IL17RC: variants seen among roughly 807,000 people sequenced by gnomAD.
The protein encoded by IL17RC is interleukin-17 receptor C.
A neutral mutation model predicts 86.7 loss-of-function variants in IL17RC; 53 were observed. The ratio of observed to expected loss-of-function variants is 0.61; its 90% CI spans 0.49 to 0.77. IL17RC has a LOEUF of 0.77. IL17RC is among the 30% of genes least tolerant of loss of function. The pLI is 0.00. For missense variants in IL17RC, 957 were observed against 940.0 expected, an observed-to-expected ratio of 1.02 and a Z score of -0.24; for synonymous variants, 439 against 413.1, an observed-to-expected ratio of 1.06 and a Z score of -0.76.
At position 9,928,231 on chromosome 3, in the gene IL17RC, C is replaced by A. The variant is rs200861273; in HGVS notation, c.877+11C>A. 14 of 1,590,662 alleles carry A rather than the reference C, an allele frequency of 8.8e-6. No individual in the cohort carries two copies. The highest frequency in any genetic ancestry group is 1.6e-4 in the Middle Eastern group (1 of 6,064). On this transcript the variant is annotated intron_variant, in intron 10 of 18. Transcript: ENST00000403601. Reference sequence around the variant, plus strand: ...GCCCCTTCAGGGAGGGTGAGCCGACCGGCCTGGGGCTGGGGTTGGGGTGTT... The same window carrying A: ...GCCCCTTCAGGGAGGGTGAGCCGACAGGCCTGGGGCTGGGGTTGGGGTGTT...
At chr3:9,928,244 G>A (rs1559311364) in intron 10 of IL17RC, 24 bp downstream of exon 10, 1 of 1,574,718 alleles carries the variant, frequency 6.4e-7, no homozygotes, top group Non-Finnish European at 8.5e-7. Context: ...CCTGGGGCTG[G>A]GGTTGGGGTG....
intron 9 of IL17RC, among the ~76,000 whole-genome samples, chr3:9,925,161 G>A (rs2083941584): frequency 6.7e-6 from 1 of 149,344 alleles, no homozygotes; most frequent in Admixed American, 6.7e-5. Flanking sequence ...TGTCGCCCAG[G>A]CTGGAGCACC....
chr3:9,933,187 T>C lies in IL17RC; in HGVS notation c.1757T>C (p.Val586Ala), dbSNP rs1463324162. ...GTCTTGCTCTTCTCTCCCGGTGCGG[T>C]GGCGCTGTGCAGCGAGTGGCTACAG... The part of the protein sequence containing the change: ...VVVLLFSPGA[V>A]ALCSEWLQDG... The change falls in exon 19 of 19, where the codon GTG (valine) becomes GCG (alanine). Residue 586 changes from valine (V) to alanine (A), a missense_variant. Val to Ala is a moderately conservative substitution (Grantham distance 64). Coordinates refer to ENST00000403601, the MANE Select transcript of IL17RC (RefSeq NM_153460.4). 2 of 1,608,006 alleles carry C rather than the reference T, an allele frequency of 1.2e-6. No homozygotes were observed. Among genetic ancestry groups the C allele is most frequent in the East Asian group, 2.2e-5 (1 of 44,772 alleles).
chr3:9,923,863 C>G lies in IL17RC; in HGVS notation c.623-18C>G. ...GGTGAGGAAGTCTAAGCTGCGCTCTCTTTGCCTCTCCCACCAGCCCTGCCC... is the reference window on the plus strand; with the variant it reads ...GGTGAGGAAGTCTAAGCTGCGCTCTGTTTGCCTCTCCCACCAGCCCTGCCC... On this transcript the variant is annotated intron_variant, in intron 7 of 18. Coordinates refer to ENST00000403601, the MANE Select transcript of IL17RC (RefSeq NM_153460.4). 6.2e-7 allele frequency: 1 copy of G among 1,613,538 alleles called. No homozygotes were observed. Among genetic ancestry groups the G allele is most frequent in the Non-Finnish European group, 8.5e-7 (1 of 1,179,856 alleles).
rs987837554 is a variant in IL17RC, at chr3:9,928,307, C to A, written c.880C>A (p.Pro294Thr). The change falls in exon 11 of 19, where the codon CCC (proline) becomes ACC (threonine). Residue 294 changes from proline (P) to threonine (T), a missense_variant and splice_region_variant. Physicochemically the swap from Pro to Thr is conservative, Grantham distance 38 (BLOSUM62 -1). Coordinates refer to ENST00000403601, the MANE Select transcript of IL17RC (RefSeq NM_153460.4). ...GTGACTGTGCCCTTTCCTTGCAGAC[C>A]CCCGCGCACACCAGAACCTCTGGCA... ...RTNICPFRED[P>T]RAHQNLWQAA... 6.2e-7 allele frequency: 1 copy of A among 1,607,666 alleles called. No individual in the cohort carries two copies. The highest frequency in any genetic ancestry group is 8.5e-7 in the Non-Finnish European group (1 of 1,175,570).
chr3:9,920,448 C>A, intron 5 of IL17RC, 43 bp from the exon 6 acceptor site: 1 of 1,282,308 alleles, frequency 7.8e-7, no homozygotes, highest in Non-Finnish European at 1.1e-6. Flanking sequence ...GGCCTGGATT[C>A]TGAGCCCTGC....
intron 9 of IL17RC, 137 bp from the exon 10 acceptor site, chr3:9,928,029 C>T: frequency 3.9e-6 from 3 of 777,952 alleles, no homozygotes; most frequent in Non-Finnish European, 4.4e-6. Context: ...GTGAGCACCT[C>T]CAGGTTTTGT....
At chr3:9,932,895 C>T (rs778786376) in intron 18 of IL17RC, 37 bp downstream of exon 18, 12 of 1,593,652 alleles carry the variant, frequency 7.5e-6, no homozygotes, top group Non-Finnish European at 9.4e-6. Flanking sequence ...GGGCCGCCCC[C>T]GGGGAGCCAG....
intron 16 of IL17RC, among the ~76,000 whole-genome samples, chr3:9,932,294 T>C (rs2084797293): frequency 6.6e-6 from 1 of 152,208 alleles, no homozygotes; most frequent in African/African-American, 2.4e-5. Flanking sequence ...TGGCGCGATC[T>C]CGGCTCACTG....
intron 16 of IL17RC, among the ~76,000 whole-genome samples, chr3:9,931,462 CACACACACATATATATATATATATAT>C (rs764472858): frequency 3.1e-5 from 4 of 130,450 alleles, no homozygotes; most frequent in African/African-American, 1.5e-4. Context: ...TTCACACACA[CACACACACATATATATATATATATAT>C]ATATATATAT....
At chr3:9,929,175 G>A (rs149915307) in intron 12 of IL17RC, 1,590 of 155,036 alleles carry the variant, frequency 0.01, 27 homozygotes, top group South Asian at 0.073. Flanking sequence ...TTAGCCGGTC[G>A]TGGTGGTGGG....
At chr3:9,923,425 C>T (rs746206686) in intron 7 of IL17RC, among the ~76,000 whole-genome samples, 11 of 151,610 alleles carry the variant, frequency 7.3e-5, no homozygotes, top group South Asian at 2.1e-4. Flanking sequence ...TGGTGACACA[C>T]GCCTGTAATC....
intron 16 of IL17RC, among the ~76,000 whole-genome samples, chr3:9,931,470 C>CACACACACACACACACACACACATAT (rs750351615): frequency 9.1e-5 from 4 of 43,746 alleles, no homozygotes; most frequent in African/African-American, 9.9e-5. Flanking sequence ...CACACACACA[C>CACACACACACACACACACACACATAT]ATATATATAT....
intron 16 of IL17RC, among the ~76,000 whole-genome samples, chr3:9,931,757 G>A (rs562792353): frequency 5.9e-5 from 9 of 151,372 alleles, no homozygotes; most frequent in Admixed American, 2.0e-4. Context: ...CGCCCGCGTC[G>A]GCCTCCCAAA....
chr3:9,929,331 C>CA (rs35752270), intron 12 of IL17RC: 1,871 of 131,632 alleles, frequency 0.014, 13 homozygotes, highest in Middle Eastern at 0.039. Context: ...AACTCCGTCT[C>CA]AAAAAAAAAA....
In IL17RC at chr3:9,918,425, C is replaced by A; in HGVS notation, c.355+16C>A. 1 of 1,612,072 alleles carries A rather than the reference C, an allele frequency of 6.2e-7. No individual in the cohort carries two copies. Among genetic ancestry groups the A allele is most frequent in the Non-Finnish European group, 8.5e-7 (1 of 1,178,458 alleles). ...CCTAGGAATGGTGAGGAGAACCTGG[C>A]TGGCCCAACTGCCCCATGCCAAGGC... On this transcript the variant is annotated intron_variant, in intron 4 of 18. Transcript: ENST00000403601.
At position 9,930,189 on chromosome 3, in the gene IL17RC, T is replaced by C; in HGVS notation, c.1278+40T>C. 1 of 1,610,122 alleles carries C rather than the reference T, an allele frequency of 6.2e-7. No homozygotes were observed. Among genetic ancestry groups the C allele is most frequent in the Non-Finnish European group, 8.5e-7 (1 of 1,177,300 alleles). On this transcript the variant is annotated intron_variant, in intron 14 of 18. Transcript: ENST00000403601. The surrounding 1 kb of genome is among the most constrained non-coding windows in gnomAD (Gnocchi z 5.8). Reference sequence around the variant, plus strand: ...ACCCTCCTCCACAGATCTCTCCAAATGCATCTCACATCTGGCCTCAAATTT... The same window carrying C: ...ACCCTCCTCCACAGATCTCTCCAAACGCATCTCACATCTGGCCTCAAATTT...
intron 7 of IL17RC, 124 bp from the exon 8 acceptor site, chr3:9,923,757 A>AC: frequency 9.6e-7 from 1 of 1,045,702 alleles, no homozygotes; most frequent in Non-Finnish European, 1.4e-6. Context: ...TGAAATGATG[A>AC]CACACGCTCT....
intron 9 of IL17RC, among the ~76,000 whole-genome samples, chr3:9,925,054 C>T (rs1016515398): frequency 2.4e-4 from 36 of 151,662 alleles, no homozygotes; most frequent in African/African-American, 8.7e-4. Context: ...CCTCCCACCT[C>T]AGCCTCCCAC....
Sources: allele counts gnomAD v4.1 joint callset (sites outside exome capture counted in the v4.1 genomes callset), GRCh38; gene constraint gnomAD v4.1.1; non-coding constraint Gnocchi (gnomAD v3.1); transcripts MANE v1.5; gene names NCBI Gene and HGNC (gene_info 2026-07-23, HGNC 2026-07-21).